The following NELL2 variants were observed in gnomAD, a reference collection of about 807,000 sequenced individuals.
The protein encoded by NELL2 is protein kinase C-binding protein NELL2.
In NELL2, 41 loss-of-function variants were observed where a neutral mutation model predicts 109.6. The observed-to-expected ratio is 0.37, with a 90% CI of 0.29 to 0.49. The LOEUF is 0.49. NELL2 is among the 20% of genes least tolerant of loss of function. The pLI, the probability that NELL2 is intolerant of heterozygous loss-of-function variation, is 0.98. For synonymous variants in NELL2, 355 were observed against 344.7 expected (o/e 1.03, Z -0.33); for missense variants, 900 against 1,008.3 (o/e 0.89, Z 1.45).
Position 44,558,382 on chromosome 12 carries a change from G to C in NELL2, c.1664-25661C>G, listed in dbSNP as rs561098479. 2.9e-3 allele frequency among the ~76,000 whole-genome samples: 440 copies of C among 152,350 alleles called. 2 individuals carry two copies. Among genetic ancestry groups the C allele is most frequent in the South Asian group, 6.6e-3 (32 of 4,830 alleles). On this transcript the variant is annotated intron_variant, in intron 15 of 19. Transcript: ENST00000429094. ...CAGGGGCTGGCAAGATGGCCAAATA[G>C]GAACAGCTCTGGTCTGCAGCTCTCA...
rs371695773 is a variant in NELL2 at position 44,587,140 on chromosome 12, C to T, written c.1663+20029G>A. On this transcript the variant is annotated intron_variant, in intron 15 of 19. Coordinates refer to ENST00000429094, the MANE Select transcript of NELL2 (RefSeq NM_001145108.2). ...ACAAAAAATTAGATGGGCATGGTGG[C>T]ACACGCCTGTAGTCCCACCTACTCG... Among the ~76,000 whole-genome samples the T allele has an allele frequency of 6.1e-3, 926 of 151,200 alleles. 8 individuals carry two copies. Among genetic ancestry groups the T allele is most frequent in the African/African-American group, 0.021 (866 of 41,324 alleles).
chr12:44,644,744 T>C (rs1411033384), intron 13 of NELL2, among the ~76,000 whole-genome samples: 2 of 151,046 alleles, frequency 1.3e-5, no homozygotes, highest in Admixed American at 6.6e-5. Context: ...CTAATATTTA[T>C]TGGCTAAATT....
At chr12:44,596,835 G>T (rs1028966294) in intron 15 of NELL2, among the ~76,000 whole-genome samples, 5 of 152,166 alleles carry the variant, frequency 3.3e-5, no homozygotes, top group Non-Finnish European at 5.9e-5. Flanking sequence ...GCAGAGCCTA[G>T]ATTTATAGCC....
chr12:44,864,014 G>GT (rs1944917080), intron 2 of NELL2, among the ~76,000 whole-genome samples: 1 of 152,004 alleles, frequency 6.6e-6, no homozygotes, highest in Admixed American at 6.6e-5. Context: ...ACTACAAAAT[G>GT]TTTTACGTAA....
intron 1 of NELL2, among the ~76,000 whole-genome samples, chr12:44,909,406 CA>C (rs58464959): frequency 0.054 from 7,537 of 138,502 alleles, 393 homozygotes; most frequent in African/African-American, 0.14. Context: ...AGGAGAATGA[CA>C]AAAAAAAAAA....
In NELL2 at chr12:44,744,627, T is replaced by C. The variant is rs569371926; in HGVS notation, c.995-29886A>G. 6.5e-4 allele frequency among the ~76,000 whole-genome samples: 99 copies of C among 152,168 alleles called. 1 individual carries two copies. The highest frequency in any genetic ancestry group is 3.4e-3 in the Middle Eastern group (1 of 294). On this transcript the variant is annotated intron_variant, in intron 9 of 19. Coordinates refer to ENST00000429094, the MANE Select transcript of NELL2 (RefSeq NM_001145108.2). ...AAAATGATAAAGGGGATATCACCACTGATCCCACAGAAATACAAACTACCA... is the reference window on the plus strand; with the variant it reads ...AAAATGATAAAGGGGATATCACCACCGATCCCACAGAAATACAAACTACCA...
chr12:44,878,318 AT>A (rs1200155936), upstream of NELL2, among the ~76,000 whole-genome samples: 1 of 152,238 alleles, frequency 6.6e-6, no homozygotes, highest in Non-Finnish European at 1.5e-5. Context: ...TAGTATGGAA[AT>A]CATTAAAATA....
chr12:44,876,667 G>A (rs1945336915), upstream of NELL2: 5 of 1,551,314 alleles, frequency 3.2e-6, no homozygotes, highest in Non-Finnish European at 4.4e-6. Context: ...CCAGCTGCAG[G>A]AGGCAAGGCT....
At chr12:44,808,698 T>C (rs1943081202) in intron 3 of NELL2, among the ~76,000 whole-genome samples, 1 of 152,002 alleles carries the variant, frequency 6.6e-6, no homozygotes, top group Non-Finnish European at 1.5e-5. Flanking sequence ...TTCAGAACCA[T>C]TAAGCCAAGC....
At chr12:44,805,856 G>C (rs763208805) in intron 3 of NELL2, among the ~76,000 whole-genome samples, 5 of 151,758 alleles carry the variant, frequency 3.3e-5, no homozygotes, top group Admixed American at 6.6e-5. Context: ...AAAGGAGAAT[G>C]TTCAATAGCA....
chr12:44,665,906 A>G (rs932445504), intron 12 of NELL2, among the ~76,000 whole-genome samples: 12 of 152,142 alleles, frequency 7.9e-5, no homozygotes, highest in African/African-American at 2.9e-4. Flanking sequence ...ATGAATCAGA[A>G]TGCAAAGACT....
intron 15 of NELL2, among the ~76,000 whole-genome samples, chr12:44,605,579 A>T (rs925224616): frequency 6.6e-6 from 1 of 152,156 alleles, no homozygotes; most frequent in Admixed American, 6.6e-5. Context: ...TATTAATTTT[A>T]TGCCATTCCA....
intron 2 of NELL2, among the ~76,000 whole-genome samples, chr12:44,845,710 A>G (rs1349287486): frequency 2.0e-5 from 3 of 152,216 alleles, no homozygotes; most frequent in African/African-American, 7.2e-5. Context: ...GAACTTTGTG[A>G]ACCAGAGATT....
At chr12:44,548,571 C>T (rs1942900542) in intron 15 of NELL2, among the ~76,000 whole-genome samples, 1 of 150,700 alleles carries the variant, frequency 6.6e-6, no homozygotes, top group African/African-American at 2.4e-5. Flanking sequence ...AAGAAAAAAC[C>T]AAGAAGGAAA....
intron 19 of NELL2, among the ~76,000 whole-genome samples, chr12:44,517,408 TC>T (rs1353824662): frequency 2.0e-5 from 3 of 148,110 alleles, no homozygotes; most frequent in African/African-American, 5.1e-5. Flanking sequence ...TCTCTCTCTC[TC>T]TCTCTCTCTC....
intron 12 of NELL2, among the ~76,000 whole-genome samples, chr12:44,683,832 T>C (rs990866141): frequency 1.3e-5 from 2 of 152,382 alleles, no homozygotes; most frequent in South Asian, 2.1e-4. Flanking sequence ...CAGTATTTTA[T>C]TGAGAATTTT....
chr12:44,651,088 T>G (rs997451390), intron 13 of NELL2, among the ~76,000 whole-genome samples: 1 of 152,172 alleles, frequency 6.6e-6, no homozygotes, highest in Non-Finnish European at 1.5e-5. Context: ...TGAACCCTAT[T>G]ATGAACTGCA....
chr12:44,669,224 T>C (rs1391586926), intron 12 of NELL2, among the ~76,000 whole-genome samples: 2 of 151,952 alleles, frequency 1.3e-5, no homozygotes, highest in Non-Finnish European at 2.9e-5. Flanking sequence ...CAACAATACG[T>C]ACACATCTAT....
At chr12:44,808,977 T>A (rs1200423691) in intron 3 of NELL2, among the ~76,000 whole-genome samples, 1 of 152,090 alleles carries the variant, frequency 6.6e-6, no homozygotes, top group East Asian at 1.9e-4. Context: ...TATCTCCATG[T>A]ATGCTATCTG....
Sources: gnomAD v4.1 joint callset for allele counts (sites outside exome capture counted in the v4.1 genomes callset) on GRCh38, gnomAD v4.1.1 for gene constraint, MANE v1.5 for transcripts, NCBI Gene and HGNC (gene_info 2026-07-23, HGNC 2026-07-21) for gene names.